Variants in FER observed in about 807,000 individuals in gnomAD.
FER encodes tyrosine-protein kinase Fer.
A neutral mutation model predicts 111.0 loss-of-function variants in FER; 63 were observed. The observed-to-expected ratio is 0.57, with a 90% CI of 0.46 to 0.70. The LOEUF is 0.70. Ranked by LOEUF, FER falls within the 30% of genes least tolerant of loss-of-function variation. The pLI, the probability that FER is intolerant of heterozygous loss-of-function variation, is 0.00. For synonymous variants in FER, 327 were observed against 313.9 expected (o/e 1.04, Z -0.44); for missense variants, 914 against 954.0 (o/e 0.96, Z 0.55).
chr5:108,866,805 T>G (rs1342536906), intron 5 of FER, among the ~76,000 whole-genome samples: 1 of 152,176 alleles, frequency 6.6e-6, no homozygotes, highest in Non-Finnish European at 1.5e-5. Flanking sequence ...AAGAAATATT[T>G]GTGTAATTTG....
At chr5:108,850,220 T>C (rs1315507008) in intron 5 of FER, among the ~76,000 whole-genome samples, 1 of 151,882 alleles carries the variant, frequency 6.6e-6, no homozygotes, top group Non-Finnish European at 1.5e-5. Flanking sequence ...ATATTATTAG[T>C]GCCTTTTTTG....
At chr5:108,914,457 T>C (rs1751992365) in intron 10 of FER, among the ~76,000 whole-genome samples, 1 of 152,258 alleles carries the variant, frequency 6.6e-6, no homozygotes, top group South Asian at 2.1e-4. Context: ...TAGTTCGCTA[T>C]TATTTTTGAT....
At chr5:108,947,951 A>G (rs1407949030) in intron 11 of FER, among the ~76,000 whole-genome samples, 1 of 151,858 alleles carries the variant, frequency 6.6e-6, no homozygotes, top group African/African-American at 2.4e-5. Context: ...TGAGTTCCTG[A>G]GCTCAAGTGA....
At chr5:109,074,658 C>A (rs576983225) in intron 16 of FER, among the ~76,000 whole-genome samples, 1 of 152,302 alleles carries the variant, frequency 6.6e-6, no homozygotes, top group South Asian at 2.1e-4. Flanking sequence ...GGTCAGGAAA[C>A]CTGATTTCAT....
chr5:108,794,863 T>C (rs1211965078), intron 2 of FER, among the ~76,000 whole-genome samples: 1 of 152,214 alleles, frequency 6.6e-6, no homozygotes, highest in East Asian at 1.9e-4. Flanking sequence ...TGCCTTGAGG[T>C]AGTCTTTACA....
intron 3 of FER, among the ~76,000 whole-genome samples, chr5:108,802,222 ATT>A (rs1200164026): frequency 6.6e-6 from 1 of 151,634 alleles, no homozygotes; most frequent in Non-Finnish European, 1.5e-5. Context: ...CTTACCAATC[ATT>A]TTTTTTAAAA....
intron 5 of FER, among the ~76,000 whole-genome samples, chr5:108,862,491 G>A (rs548619452): frequency 6.6e-6 from 1 of 152,240 alleles, no homozygotes. Context: ...TAGAGAGATT[G>A]TCTTCTGAAG....
chr5:109,074,139 G>A lies in FER; in HGVS notation c.1925-26257G>A, dbSNP rs566764963. On this transcript the variant is annotated intron_variant, in intron 16 of 19. Coordinates refer to ENST00000281092, the MANE Select transcript of FER (RefSeq NM_005246.4). The stretch of plus-strand genomic sequence containing the variant: ...TAGAGTATGCTTTGTGCAAAACACT[G>A]TTTTAAGCACTTAACATGTAGAACT... 4.2e-4 allele frequency among the ~76,000 whole-genome samples: 64 copies of A among 152,260 alleles called. No individual in the cohort carries two copies. In the South Asian group the frequency reaches 0.013, roughly 30 times the overall value.
At chr5:108,763,616 GAGA>G (rs1445447124) in intron 1 of FER, among the ~76,000 whole-genome samples, 1 of 152,158 alleles carries the variant, frequency 6.6e-6, no homozygotes, top group East Asian at 1.9e-4. Flanking sequence ...GGAGGGGAAG[GAGA>G]AGGCTTAATT....
chr5:108,962,191 A>G (rs1050345901), intron 13 of FER, among the ~76,000 whole-genome samples: 1 of 152,194 alleles, frequency 6.6e-6, no homozygotes, highest in African/African-American at 2.4e-5. Flanking sequence ...TGAGCCACCC[A>G]TCCCTCTCCC....
intron 13 of FER, among the ~76,000 whole-genome samples, chr5:109,004,190 T>C (rs1213435280): frequency 1.3e-5 from 2 of 152,196 alleles, no homozygotes; most frequent in Non-Finnish European, 2.9e-5. Flanking sequence ...AAATGACCAC[T>C]AGATACATTG....
chr5:109,116,673 A>G (rs2126457509), intron 17 of FER, among the ~76,000 whole-genome samples: 1 of 152,218 alleles, frequency 6.6e-6, no homozygotes, highest in East Asian at 1.9e-4. Context: ...CTGCCACCAT[A>G]TTTCGAGATA....
intron 16 of FER, chr5:109,051,596 C>T (rs540687948): frequency 1.3e-6 from 2 of 1,598,606 alleles, no homozygotes; most frequent in South Asian, 1.1e-5. Context: ...TCGCCATTAA[C>T]CAGCTTGTAC....
chr5:108,829,140 C>A (rs1759778141), intron 3 of FER, among the ~76,000 whole-genome samples: 1 of 152,140 alleles, frequency 6.6e-6, no homozygotes, highest in African/African-American at 2.4e-5. Context: ...TCTCTTTTAA[C>A]AAATATCCCA....
At chr5:108,953,220 C>T (rs1757998144) in intron 11 of FER, among the ~76,000 whole-genome samples, 1 of 150,956 alleles carries the variant, frequency 6.6e-6, no homozygotes, top group African/African-American at 2.4e-5. Context: ...TTTTTAAAAG[C>T]AATATTCTTT....
intron 17 of FER, among the ~76,000 whole-genome samples, chr5:109,171,050 A>G (rs1179756280): frequency 6.6e-6 from 1 of 152,226 alleles, no homozygotes; most frequent in Non-Finnish European, 1.5e-5. Context: ...AATGTCTTGC[A>G]TATATCTATC....
intron 10 of FER, among the ~76,000 whole-genome samples, chr5:108,937,504 G>A (rs1755635211): frequency 6.6e-6 from 1 of 152,022 alleles, no homozygotes; most frequent in Admixed American, 6.6e-5. Flanking sequence ...ACATAAAAGA[G>A]ATTACCTAGG....
chr5:108,892,322 C>A (rs1158456379), intron 9 of FER, among the ~76,000 whole-genome samples: 1 of 152,178 alleles, frequency 6.6e-6, no homozygotes, highest in Non-Finnish European at 1.5e-5. Context: ...TCCTCTCCAG[C>A]ACCTGTTGTT....
intron 10 of FER, among the ~76,000 whole-genome samples, chr5:108,905,179 A>G (rs1393856899): frequency 6.6e-6 from 1 of 152,118 alleles, no homozygotes; most frequent in African/African-American, 2.4e-5. Context: ...AGGCCACAGT[A>G]TCTTCAGTAT....
Sources: gnomAD v4.1 joint callset for allele counts (sites outside exome capture counted in the v4.1 genomes callset) on GRCh38, gnomAD v4.1.1 for gene constraint, MANE v1.5 for transcripts, NCBI Gene and HGNC (gene_info 2026-07-23, HGNC 2026-07-21) for gene names.